Variants in CHST11 observed in about 807,000 individuals in gnomAD.
CHST11 encodes C4S-1.
Under a neutral mutation model 30.4 loss-of-function variants are expected in CHST11, and 9 were observed. That is an observed-to-expected ratio of 0.30 (90% CI 0.18 to 0.52). The LOEUF is 0.52. Among genes scored for constraint, CHST11 ranks in the 20% least tolerant of loss-of-function variants. CHST11 has a pLI of 0.97. For missense variants in CHST11, 348 were observed against 460.6 expected, an observed-to-expected ratio of 0.76 and a Z score of 2.24; for synonymous variants, 152 against 187.8, an observed-to-expected ratio of 0.81 and a Z score of 1.56.
chr12:104,465,431 C>T (rs920468816), intron 1 of CHST11, among the ~76,000 whole-genome samples: 2 of 152,198 alleles, frequency 1.3e-5, no homozygotes, highest in African/African-American at 4.8e-5. Context: ...TAGACATAAA[C>T]ATTGCCCAGG....
chr12:104,679,733 T>G (rs1265487397), intron 2 of CHST11, among the ~76,000 whole-genome samples: 1 of 152,080 alleles, frequency 6.6e-6, no homozygotes, highest in Admixed American at 6.5e-5. Flanking sequence ...GAAACTGCCA[T>G]GTGTAATTCA....
intron 2 of CHST11, among the ~76,000 whole-genome samples, chr12:104,705,017 A>T (rs1258699857): frequency 1.3e-5 from 2 of 152,200 alleles, no homozygotes; most frequent in African/African-American, 2.4e-5. Flanking sequence ...GACATTTTTT[A>T]TGAATAATAT....
intron 1 of CHST11, among the ~76,000 whole-genome samples, chr12:104,547,640 C>T (rs922821966): frequency 7.2e-5 from 11 of 152,272 alleles, no homozygotes; most frequent in Admixed American, 5.9e-4. Context: ...GTGCCAGCAT[C>T]TCCGAGTAGT....
At chr12:104,687,381 T>G (rs1248291923) in intron 2 of CHST11, among the ~76,000 whole-genome samples, 1 of 152,210 alleles carries the variant, frequency 6.6e-6, no homozygotes, top group Non-Finnish European at 1.5e-5. Flanking sequence ...ATAACAATGG[T>G]TCTCATTTAT....
chr12:104,681,150 A>G (rs771060999), intron 2 of CHST11, among the ~76,000 whole-genome samples: 19 of 152,248 alleles, frequency 1.2e-4, no homozygotes, highest in Non-Finnish European at 2.4e-4. Context: ...TTCTCTAGTA[A>G]CACATCACTG....
chr12:104,620,603 G>A (rs1225147660), intron 2 of CHST11, among the ~76,000 whole-genome samples: 1 of 152,108 alleles, frequency 6.6e-6, no homozygotes, highest in Non-Finnish European at 1.5e-5. Flanking sequence ...TGCAAGGAAT[G>A]GAAATTCTCC....
intron 1 of CHST11, among the ~76,000 whole-genome samples, chr12:104,532,583 C>T (rs569262653): frequency 1.3e-4 from 20 of 152,188 alleles, no homozygotes; most frequent in African/African-American, 4.8e-4. Flanking sequence ...AGCTCAGAAG[C>T]TCTCTACACC....
chr12:104,492,184 C>T (rs1233214160), intron 1 of CHST11, among the ~76,000 whole-genome samples: 3 of 152,154 alleles, frequency 2.0e-5, no homozygotes, highest in African/African-American at 4.8e-5. Context: ...GCAAGCTCCA[C>T]CTCCTGGGTT....
At chr12:104,636,612 A>G (rs1205732406) in intron 2 of CHST11, among the ~76,000 whole-genome samples, 1 of 152,138 alleles carries the variant, frequency 6.6e-6, no homozygotes, top group Non-Finnish European at 1.5e-5. Flanking sequence ...CTAGCCTTTT[A>G]AGAGCCTGGA....
intron 2 of CHST11, among the ~76,000 whole-genome samples, chr12:104,628,566 A>T (rs1223236063): frequency 6.6e-6 from 1 of 152,144 alleles, no homozygotes; most frequent in Non-Finnish European, 1.5e-5. Context: ...CCGCTGACAG[A>T]AGAGGCTCTG....
intron 2 of CHST11, among the ~76,000 whole-genome samples, chr12:104,666,028 C>T (rs898422723): frequency 2.0e-5 from 3 of 151,920 alleles, no homozygotes; most frequent in East Asian, 3.9e-4. Flanking sequence ...CCATGTTGGC[C>T]AGGATGGTCT....
rs570879646 is a variant in CHST11, at chr12:104,701,179, G to A, written c.205-55770G>A. Among the ~76,000 whole-genome samples the A allele has an allele frequency of 1.9e-4, 29 of 152,156 alleles. No individual in the cohort carries two copies. In the South Asian group the frequency reaches 2.9e-3, roughly 15 times the overall value. Reference sequence around the variant, plus strand: ...TGAGGCTCAGAGGGGTTGAGTAACCGGGCCAAAGTTAACTAACCTGCTGCT... The same window carrying A: ...TGAGGCTCAGAGGGGTTGAGTAACCAGGCCAAAGTTAACTAACCTGCTGCT... On this transcript the variant is annotated intron_variant, in intron 2 of 2. Transcript: ENST00000303694.
At position 104,751,985 on chromosome 12, in the gene CHST11, C is replaced by T. The variant is rs1190287834; in HGVS notation, c.205-4964C>T. ...AGTACCAACTTGCTCAAAGTTATCA[C>T]TTGAATGATTGACCTCCTCTTTTAG... On this transcript the variant is annotated intron_variant, in intron 2 of 2. Transcript: ENST00000303694. Among the ~76,000 whole-genome samples the T allele has an allele frequency of 3.9e-5, 6 of 152,364 alleles. No individual in the cohort carries two copies. In the South Asian group the frequency reaches 1.0e-3, roughly 26 times the overall value.
At chr12:104,608,443 T>C (rs2039027223) in intron 2 of CHST11, among the ~76,000 whole-genome samples, 1 of 152,098 alleles carries the variant, frequency 6.6e-6, no homozygotes, top group South Asian at 2.1e-4. Context: ...GCACTATCAG[T>C]CCTGCACAAA....
chr12:104,757,965 C>T lies in CHST11; in HGVS notation c.*162C>T, dbSNP rs1036390533. 1.5e-5 allele frequency: 12 copies of T among 782,790 alleles called. No homozygotes were observed. In the African/African-American group the frequency reaches 1.6e-4, roughly 10 times the overall value. 48.5% of individuals were successfully genotyped at this position (782,790 alleles called of 1,614,324 possible). A position where few individuals can be genotyped will look rare whatever the true frequency, so the allele number is the denominator to read the frequency against. ...ATTTAAAATCCTTCGTAGGGAAGGACAGCTGTCTTTGCAGGGGAAATAGGA... is the reference window on the plus strand; with the variant it reads ...ATTTAAAATCCTTCGTAGGGAAGGATAGCTGTCTTTGCAGGGGAAATAGGA... On this transcript the variant is annotated 3_prime_UTR_variant, in exon 3 of 3. Transcript: ENST00000303694. The surrounding 1 kb of genome is among the most constrained non-coding windows in gnomAD (Gnocchi z 6.5).
At chr12:104,719,965 T>A (rs2040160771) in intron 2 of CHST11, among the ~76,000 whole-genome samples, 1 of 152,268 alleles carries the variant, frequency 6.6e-6, no homozygotes, top group African/African-American at 2.4e-5. Flanking sequence ...GGGTCCCTGC[T>A]CCGTGGCTCC....
Position 104,526,472 on chromosome 12 carries a change from G to C in CHST11, c.118+68943G>C, listed in dbSNP as rs146631295. The stretch of plus-strand genomic sequence containing the variant: ...GTGTTCTTGATTGATGGCCCTTCTG[G>C]CATGTTGTGCTGCTGGGATGTCTTT... On this transcript the variant is annotated intron_variant, in intron 1 of 2. Coordinates refer to ENST00000303694, the MANE Select transcript of CHST11 (RefSeq NM_018413.6). 4.9e-3 allele frequency among the ~76,000 whole-genome samples: 741 copies of C among 152,280 alleles called. 5 individuals carry two copies. Among genetic ancestry groups the C allele is most frequent in the Non-Finnish European group, 7.7e-3 (527 of 68,032 alleles).
chr12:104,526,424 T>C (rs540133564), intron 1 of CHST11, among the ~76,000 whole-genome samples: 1 of 152,340 alleles, frequency 6.6e-6, no homozygotes. Context: ...TTTCCCCAGT[T>C]CAGCCGGCTA....
chr12:104,593,658 G>A (rs532323385), intron 1 of CHST11, among the ~76,000 whole-genome samples: 209 of 152,298 alleles, frequency 1.4e-3, no homozygotes, highest in African/African-American at 4.7e-3. Flanking sequence ...AAGCATGCTG[G>A]TTTGTGGGTT....
Sources: allele counts gnomAD v4.1 joint callset (sites outside exome capture counted in the v4.1 genomes callset), GRCh38; gene constraint gnomAD v4.1.1; non-coding constraint Gnocchi (gnomAD v3.1); transcripts MANE v1.5; gene names NCBI Gene and HGNC (gene_info 2026-07-23, HGNC 2026-07-21).